NR1H3: variants seen among roughly 807,000 people sequenced by gnomAD.
NR1H3 encodes oxysterols receptor LXR-alpha.
NR1H3 carries 19 observed loss-of-function variants against 48.1 expected under a neutral mutation model. The ratio of observed to expected loss-of-function variants is 0.40; its 90% CI spans 0.28 to 0.58. The LOEUF (loss-of-function observed/expected upper bound fraction) is 0.58. NR1H3 is among the 20% of genes least tolerant of loss of function. The pLI is 0.50. For synonymous variants in NR1H3, 232 were observed against 227.3 expected (o/e 1.02, Z -0.19); for missense variants, 486 against 595.9 (o/e 0.82, Z 1.92).
At chr11:47,250,474 A>G (rs1954552981) in intron 1 of NR1H3, 1 of 152,156 alleles carries the variant, frequency 6.6e-6, no homozygotes, top group Non-Finnish European at 1.5e-5. Context: ...AGGACTCCAG[A>G]TTCAATTATT....
chr11:47,259,890 ACT>A lies in NR1H3; in HGVS notation c.146_147del (p.Ser49CysfsTer176). ...CTCAGAGAGGAAGCCAGGATGCCCC[ACT>A]CTGCTGGGGGTACTGCAGGGGTGGG... is the stretch of plus-strand genomic sequence containing the variant. On this transcript the variant is annotated frameshift_variant, in exon 3 of 10. Coordinates refer to ENST00000441012, the MANE Select transcript of NR1H3 (RefSeq NM_005693.4). LOFTEE classifies it high-confidence loss of function. 6.2e-7 allele frequency: 1 copy of A among 1,612,746 alleles called. No homozygotes were observed. The highest frequency in any genetic ancestry group is 8.5e-7 in the Non-Finnish European group (1 of 1,179,712).
intron 7 of NR1H3, among the ~76,000 whole-genome samples, chr11:47,262,751 TCCATGTGCCTCA>T (rs6144337): frequency 0.27 from 40,571 of 151,928 alleles, 6,855 homozygotes; most frequent in East Asian, 0.65. Flanking sequence ...CCTTAAGTGA[TCCATGTGCCTCA>T]GCCTCCCAAA....
chr11:47,261,885 T>C, intron 6 of NR1H3, 34 bp from the exon 7 acceptor site: 1 of 1,604,576 alleles, frequency 6.2e-7, no homozygotes, highest in Non-Finnish European at 8.5e-7. Context: ...CCAGCCCTCC[T>C]AGTCCCCGTT....
At chr11:47,251,308 A>T (rs181392918) in intron 1 of NR1H3, among the ~76,000 whole-genome samples, 2 of 152,118 alleles carry the variant, frequency 1.3e-5, no homozygotes, top group African/African-American at 4.8e-5. Flanking sequence ...AACCTTTTCA[A>T]ATTAGTTGGA....
chr11:47,262,040 G>A, intron 7 of NR1H3, 22 bp downstream of exon 7: 1 of 1,555,808 alleles, frequency 6.4e-7, no homozygotes, highest in Non-Finnish European at 8.9e-7. Flanking sequence ...GATCACACAG[G>A]GATTGGGGTT....
intron 4 of NR1H3, 111 bp downstream of exon 4, chr11:47,260,786 A>G: frequency 1.5e-6 from 2 of 1,348,390 alleles, no homozygotes; most frequent in Non-Finnish European, 2.0e-6. Context: ...CTAAGTATGG[A>G]TCCCAGTATC....
chr11:47,261,897 G>T, intron 6 of NR1H3, 22 bp from the exon 7 acceptor site: 1 of 1,611,288 alleles, frequency 6.2e-7, no homozygotes, highest in Non-Finnish European at 8.5e-7. Flanking sequence ...GTCCCCGTTT[G>T]AGGTTTGCTG....
chr11:47,261,825 A>G, intron 6 of NR1H3, 94 bp from the exon 7 acceptor site: 1 of 1,597,910 alleles, frequency 6.3e-7, no homozygotes, highest in Non-Finnish European at 8.6e-7. Context: ...ATCTGCTGGG[A>G]AGCAGGGATG....
intron 7 of NR1H3, among the ~76,000 whole-genome samples, chr11:47,266,512 T>C (rs933485968): frequency 4.6e-5 from 7 of 152,100 alleles, no homozygotes; most frequent in African/African-American, 1.7e-4. Flanking sequence ...TTTTGTATTT[T>C]TAGTAGAGAC....
At chr11:47,248,592 C>A (rs1954327517), upstream of NR1H3, 1 of 1,552,790 alleles carries the variant, frequency 6.4e-7, no homozygotes, top group African/African-American at 1.4e-5. Flanking sequence ...ACCAGCTGTT[C>A]CTTCCCGAGA....
At chr11:47,253,884 C>T (rs1022267402), upstream of NR1H3, among the ~76,000 whole-genome samples, 3 of 152,022 alleles carry the variant, frequency 2.0e-5, no homozygotes, top group South Asian at 2.1e-4. Flanking sequence ...GACTGTGGCA[C>T]GGGGGTGGGG....
chr11:47,255,540 T>TC (rs1491113116), upstream of NR1H3, among the ~76,000 whole-genome samples: 14 of 52,574 alleles, frequency 2.7e-4, no homozygotes, highest in Non-Finnish European at 2.9e-4. Context: ...TCTTTCTTTC[T>TC]TTTTCTTTCT....
upstream of NR1H3, among the ~76,000 whole-genome samples, chr11:47,254,188 G>C (rs1954889180): frequency 1.3e-5 from 2 of 152,180 alleles, no homozygotes; most frequent in African/African-American, 4.8e-5. Flanking sequence ...ATGTGGTCCT[G>C]GGTCCTGGGA....
At chr11:47,256,089 C>A (rs571708527), upstream of NR1H3, among the ~76,000 whole-genome samples, 9 of 152,058 alleles carry the variant, frequency 5.9e-5, no homozygotes, top group Middle Eastern at 6.8e-3. Context: ...GTCTGTCACC[C>A]AGGCTGGAGT....
chr11:47,268,073 A>C, intron 8 of NR1H3, 47 bp downstream of exon 8: 1 of 1,186,678 alleles, frequency 8.4e-7, no homozygotes, highest in East Asian at 2.9e-5. Context: ...TACACCAAGG[A>C]GGGCTGCAGG....
chr11:47,251,121 T>C (rs1954620550), intron 1 of NR1H3, among the ~76,000 whole-genome samples: 1 of 152,074 alleles, frequency 6.6e-6, no homozygotes, highest in Non-Finnish European at 1.5e-5. Context: ...ATCGTGCCAC[T>C]GCACCCCAGC....
At position 47,267,987 on chromosome 11, in the gene NR1H3, G is replaced by A. The variant is rs1282676795; in HGVS notation, c.1063G>A (p.Glu355Lys). 3.7e-6 allele frequency: 6 copies of A among 1,613,980 alleles called. No individual in the cohort carries two copies. Among genetic ancestry groups the A allele is most frequent in the East Asian group, 2.2e-5 (1 of 44,886 alleles). Residue 355 changes from glutamate (E) to lysine (K), a missense_variant, in exon 8 of 10, where the codon GAG becomes AAG. By Grantham distance (56) the Glu-to-Lys change is moderately conservative (BLOSUM62 1). Transcript: ENST00000441012. ...AMNELQLNDA[E>K]FALLIAISIF... ...GAATGAGCTGCAACTCAATGATGCC[G>A]AGTTTGCCTTGCTCATTGCTATCAG...
upstream of NR1H3, among the ~76,000 whole-genome samples, chr11:47,253,435 T>C (rs1231094398): frequency 2.6e-5 from 4 of 152,160 alleles, no homozygotes. Context: ...TGAACTCAGG[T>C]CTGGGAATCC....
intron 7 of NR1H3, 87 bp downstream of exon 7, chr11:47,262,105 C>T (rs1955945888): frequency 9.1e-6 from 9 of 993,102 alleles, no homozygotes; most frequent in African/African-American, 1.6e-5. Context: ...GAGGGCCAGG[C>T]GCGGTGGCTC....
Sources: gnomAD v4.1 joint callset for allele counts (sites outside exome capture counted in the v4.1 genomes callset) on GRCh38, gnomAD v4.1.1 for gene constraint, MANE v1.5 for transcripts, NCBI Gene and HGNC (gene_info 2026-07-23, HGNC 2026-07-21) for gene names.